The following STK3 variants were observed in gnomAD, a reference collection of about 807,000 sequenced individuals.
STK3 encodes serine/threonine kinase 3, also known as serine/threonine-protein kinase 3.
In STK3, 41 loss-of-function variants were observed where a neutral mutation model predicts 58.0. The observed-to-expected ratio is 0.71, with a 90% CI of 0.55 to 0.92. The LOEUF is 0.92. Ranked by LOEUF, STK3 falls within the 40% of genes least tolerant of loss-of-function variation. The pLI, the probability that STK3 is intolerant of heterozygous loss-of-function variation, is 0.00. For synonymous variants in STK3, 170 were observed against 191.0 expected, an observed-to-expected ratio of 0.89 and a Z score of 0.91; for missense variants, 479 against 602.7, an observed-to-expected ratio of 0.79 and a Z score of 2.15.
chr8:98,429,728 T>C, intron 3 of STK3: 1 of 310,708 alleles, frequency 3.2e-6, no homozygotes, highest in East Asian at 6.4e-5. Context: ...TGTACGCTAT[T>C]CTAGTGCTTG....
chr8:98,479,263 C>T (rs1031998193), intron 10 of STK3, among the ~76,000 whole-genome samples: 4 of 151,906 alleles, frequency 2.6e-5, no homozygotes, highest in African/African-American at 7.3e-5. Flanking sequence ...CAAGGTGGGG[C>T]GGATCATGAG....
intron 6 of STK3, among the ~76,000 whole-genome samples, chr8:98,704,016 T>A (rs947724489): frequency 2.6e-5 from 4 of 152,192 alleles, no homozygotes; most frequent in African/African-American, 9.7e-5. Context: ...AAAATATGCA[T>A]AAAGCACTTC....
At chr8:98,618,312 T>C (rs1184784916) in intron 6 of STK3, among the ~76,000 whole-genome samples, 1 of 146,788 alleles carries the variant, frequency 6.8e-6, no homozygotes, top group African/African-American at 2.5e-5. Flanking sequence ...TGGGACGTAT[T>C]TCAAAATAAT....
chr8:98,583,981 CTT>C (rs1262436483), intron 7 of STK3, among the ~76,000 whole-genome samples: 4 of 151,772 alleles, frequency 2.6e-5, no homozygotes, highest in African/African-American at 9.7e-5. Flanking sequence ...CAACCTAAAC[CTT>C]CTCTCTGTAG....
At chr8:98,894,103 C>T (rs1257914037) in intron 1 of STK3, among the ~76,000 whole-genome samples, 2 of 152,216 alleles carry the variant, frequency 1.3e-5, no homozygotes, top group Non-Finnish European at 2.9e-5. Flanking sequence ...CTTCTTCCTT[C>T]TATCCCGTGA....
At chr8:98,388,776 C>T (rs1817818194), upstream of STK3, among the ~76,000 whole-genome samples, 1 of 152,156 alleles carries the variant, frequency 6.6e-6, no homozygotes, top group African/African-American at 2.4e-5. Context: ...AGATAATTTG[C>T]TGATTGACTA....
intron 4 of STK3, among the ~76,000 whole-genome samples, chr8:98,732,662 G>A (rs992289708): frequency 5.1e-4 from 78 of 152,046 alleles, no homozygotes; most frequent in African/African-American, 1.7e-3. Context: ...TTTTTTAATG[G>A]TGGCACTAAC....
chr8:98,793,403 C>T (rs192797543), intron 1 of STK3, among the ~76,000 whole-genome samples: 86 of 152,136 alleles, frequency 5.7e-4, no homozygotes, highest in African/African-American at 1.6e-3. Context: ...CCAGATGTGG[C>T]GGCACAAGCC....
At chr8:98,587,500 GGAGA>G (rs1020257340) in intron 7 of STK3, among the ~76,000 whole-genome samples, 1 of 152,128 alleles carries the variant, frequency 6.6e-6, no homozygotes, top group Non-Finnish European at 1.5e-5. Flanking sequence ...CATTTGCTGA[GGAGA>G]GATTTACTTC....
At chr8:98,451,565 A>G (rs1430307953), downstream of STK3, among the ~76,000 whole-genome samples, 1 of 152,196 alleles carries the variant, frequency 6.6e-6, no homozygotes, top group African/African-American at 2.4e-5. Flanking sequence ...GAGTCTGACT[A>G]ATGATGTGGT....
chr8:98,429,300 T>G, intron 3 of STK3: 1 of 1,614,152 alleles, frequency 6.2e-7, no homozygotes, highest in Non-Finnish European at 8.5e-7. Context: ...GGAGGTCCCT[T>G]CGGTCAATTT....
intron 4 of STK3, among the ~76,000 whole-genome samples, chr8:98,739,086 G>T (rs983062100): frequency 6.6e-6 from 1 of 152,208 alleles, no homozygotes; most frequent in Admixed American, 6.5e-5. Flanking sequence ...CAAAGCAGCC[G>T]GGAAGCTCCA....
At chr8:98,587,971 G>T (rs914807811) in intron 7 of STK3, among the ~76,000 whole-genome samples, 8 of 151,932 alleles carry the variant, frequency 5.3e-5, no homozygotes, top group African/African-American at 1.5e-4. Context: ...CTCCATCCTT[G>T]TATTTTTAGC....
intron 6 of STK3, chr8:98,598,196 T>C: frequency 2.0e-6 from 2 of 985,408 alleles, no homozygotes; most frequent in African/African-American, 1.7e-5. Context: ...TTTATGTCCT[T>C]GAAGCCAATG....
chr8:98,569,068 A>G (rs1369993932), intron 8 of STK3, among the ~76,000 whole-genome samples: 1 of 152,230 alleles, frequency 6.6e-6, no homozygotes, highest in African/African-American at 2.4e-5. Context: ...CATTCAAAGA[A>G]TCAGGTATCT....
chr8:98,703,127 G>A (rs1825735287), intron 6 of STK3, among the ~76,000 whole-genome samples: 1 of 152,010 alleles, frequency 6.6e-6, no homozygotes, highest in African/African-American at 2.4e-5. Context: ...AAACTTAGAG[G>A]GTTCAGATTT....
upstream of STK3, among the ~76,000 whole-genome samples, chr8:98,829,907 G>C (rs909107944): frequency 1.3e-5 from 2 of 152,170 alleles, no homozygotes; most frequent in African/African-American, 2.4e-5. Context: ...AGGAAGAAAA[G>C]TGAAATGGAA....
chr8:98,659,733 TAATAA>T (rs1346096093), intron 6 of STK3, among the ~76,000 whole-genome samples: 1 of 151,890 alleles, frequency 6.6e-6, no homozygotes, highest in South Asian at 2.1e-4. Flanking sequence ...CTAAGAAAAC[TAATAA>T]AATAACTCAA....
Position 98,623,023 on chromosome 8 carries a change from C to T in STK3, c.685-26854G>A, listed in dbSNP as rs149558299. The stretch of plus-strand genomic sequence containing the variant: ...TGTAGAAGAAACTGAAGAAAATAAA[C>T]GCTAGAGTGAACAAATGATGAGTAA... On this transcript the variant is annotated intron_variant, in intron 6 of 10. Transcript: ENST00000419617. 9.6e-3 allele frequency among the ~76,000 whole-genome samples: 1,458 copies of T among 152,034 alleles called. 18 individuals are homozygous for T. Among genetic ancestry groups the T allele is most frequent in the African/African-American group, 0.032 (1,330 of 41,492 alleles).
Sources: gnomAD v4.1 joint callset for allele counts (sites outside exome capture counted in the v4.1 genomes callset) on GRCh38, gnomAD v4.1.1 for gene constraint, MANE v1.5 for transcripts, NCBI Gene and HGNC (gene_info 2026-07-23, HGNC 2026-07-21) for gene names.